BRINP3: variants seen among roughly 807,000 people sequenced by gnomAD.
The protein encoded by BRINP3 is BMP/retinoic acid-inducible neural-specific protein 3.
A neutral mutation model predicts 71.0 loss-of-function variants in BRINP3; 19 were observed. The ratio of observed to expected loss-of-function variants is 0.27; its 90% CI spans 0.19 to 0.39. The LOEUF (loss-of-function observed/expected upper bound fraction) is 0.39, where lower values mean the gene tolerates loss of function less well. BRINP3 is among the 10% of genes least tolerant of loss of function. The probability of loss-of-function intolerance (pLI) is 1.00; values close to 1 mark genes in which losing one functional copy is unlikely to be tolerated. For missense variants in BRINP3, 959 were observed against 940.8 expected (o/e 1.02, Z -0.25); for synonymous variants, 380 against 337.7 (o/e 1.13, Z -1.37).
chr1:190,423,595 G>C (rs1029005232), intron 2 of BRINP3, among the ~76,000 whole-genome samples: 1 of 151,552 alleles, frequency 6.6e-6, no homozygotes, highest in African/African-American at 2.4e-5. Flanking sequence ...TTTAATTTTT[G>C]ACTTATACTT....
intron 7 of BRINP3, among the ~76,000 whole-genome samples, chr1:190,134,229 A>C (rs962627783): frequency 3.9e-5 from 6 of 152,080 alleles, no homozygotes. Context: ...CTGAAAGCCA[A>C]ATGATTAGAA....
intron 2 of BRINP3, among the ~76,000 whole-genome samples, chr1:190,436,589 T>C (rs563238769): frequency 4.7e-4 from 71 of 152,022 alleles, no homozygotes; most frequent in African/African-American, 1.7e-3. Context: ...TAACGGTGCA[T>C]TATGATCATT....
intron 2 of BRINP3, among the ~76,000 whole-genome samples, chr1:190,336,696 C>G (rs142367718): frequency 3.3e-5 from 5 of 152,094 alleles, no homozygotes; most frequent in Non-Finnish European, 5.9e-5. Flanking sequence ...CGTGCTCTTT[C>G]TACAGAATCT....
In BRINP3 at chr1:190,098,689, A is replaced by C. The variant is rs1651416830; in HGVS notation, c.1630T>G (p.Ser544Ala). 7 of 1,614,032 alleles carry C rather than the reference A, an allele frequency of 4.3e-6. No individual in the cohort carries two copies. Among genetic ancestry groups the C allele is most frequent in the Non-Finnish European group, 5.9e-6 (7 of 1,180,030 alleles). Residue 544 changes from serine (S) to alanine (A), a missense_variant, in exon 8 of 8, where the codon TCA becomes GCA. Ser to Ala is a moderately conservative substitution (Grantham distance 99, BLOSUM62 1). Coordinates refer to ENST00000367462, the MANE Select transcript of BRINP3 (RefSeq NM_199051.3). ...LLTLKSNKYK[S>A]SLVHMILGLS... is the part of the protein sequence containing the mutation. ...CCCAAAATCATATGGACCAGACTTG[A>C]CTTGTACTTATTGCTCTTCAAGGTG...
intron 2 of BRINP3, among the ~76,000 whole-genome samples, chr1:190,394,949 G>T (rs901429898): frequency 3.3e-5 from 5 of 151,646 alleles, no homozygotes; most frequent in African/African-American, 1.2e-4. Context: ...AGTGTGAAGA[G>T]AATGTCATTT....
intron 2 of BRINP3, among the ~76,000 whole-genome samples, chr1:190,417,120 CA>C (rs1673058549): frequency 6.6e-6 from 1 of 151,626 alleles, no homozygotes; most frequent in African/African-American, 2.4e-5. Context: ...AAATGGAGAA[CA>C]AAAACAATTT....
intron 2 of BRINP3, among the ~76,000 whole-genome samples, chr1:190,376,697 C>T (rs1670204176): frequency 6.6e-6 from 1 of 151,946 alleles, no homozygotes; most frequent in Non-Finnish European, 1.5e-5. Context: ...CCAAAAAATA[C>T]TGTTATGAAT....
intron 2 of BRINP3, among the ~76,000 whole-genome samples, chr1:190,321,120 C>A (rs1017749840): frequency 6.6e-6 from 1 of 151,826 alleles, no homozygotes; most frequent in Non-Finnish European, 1.5e-5. Context: ...CAGGGCCAGA[C>A]TAGTTAGTTA....
intron 6 of BRINP3, among the ~76,000 whole-genome samples, chr1:190,164,691 C>G (rs79377169): frequency 6.6e-6 from 1 of 151,906 alleles, no homozygotes; most frequent in African/African-American, 2.4e-5. Context: ...CTTGGGCTCA[C>G]GCAATTCTCC....
At chr1:190,348,593 C>A (rs950555314) in intron 2 of BRINP3, among the ~76,000 whole-genome samples, 1 of 152,132 alleles carries the variant, frequency 6.6e-6, no homozygotes, top group Non-Finnish European at 1.5e-5. Flanking sequence ...GCTCTGTTAA[C>A]AATGTCTCAC....
At chr1:190,278,660 A>T (rs954271845) in intron 3 of BRINP3, among the ~76,000 whole-genome samples, 1 of 151,698 alleles carries the variant, frequency 6.6e-6, no homozygotes, top group Non-Finnish European at 1.5e-5. Context: ...AGCACAAAAA[A>T]CTATGAAAAC....
intron 7 of BRINP3, among the ~76,000 whole-genome samples, chr1:190,150,756 T>C (rs1656319860): frequency 6.6e-6 from 1 of 152,190 alleles, no homozygotes; most frequent in Admixed American, 6.5e-5. Flanking sequence ...TATTCCTCTT[T>C]TATGCATGCA....
chr1:190,275,092 G>A (rs1021343824), intron 3 of BRINP3, among the ~76,000 whole-genome samples: 1 of 151,542 alleles, frequency 6.6e-6, no homozygotes, highest in Non-Finnish European at 1.5e-5. Flanking sequence ...AAGCAAATTT[G>A]AAGGTACCAT....
chr1:190,410,958 G>A (rs1242826192), intron 2 of BRINP3, among the ~76,000 whole-genome samples: 1 of 152,018 alleles, frequency 6.6e-6, no homozygotes, highest in Non-Finnish European at 1.5e-5. Flanking sequence ...AAACTTGAAA[G>A]CTCATTTTAA....
intron 7 of BRINP3, among the ~76,000 whole-genome samples, chr1:190,150,084 T>C (rs559684990): frequency 9.8e-4 from 149 of 152,314 alleles, no homozygotes; most frequent in African/African-American, 2.6e-3. Context: ...TGTGCTGGTA[T>C]GCATCTCATA....
intron 7 of BRINP3, among the ~76,000 whole-genome samples, chr1:190,107,358 T>TA (rs1652263050): frequency 6.6e-6 from 1 of 151,910 alleles, no homozygotes; most frequent in Admixed American, 6.6e-5. Flanking sequence ...CCTAAATATG[T>TA]CATGTACAAT....
intron 2 of BRINP3, among the ~76,000 whole-genome samples, chr1:190,387,255 C>A (rs1008654106): frequency 1.3e-5 from 2 of 151,806 alleles, no homozygotes; most frequent in Admixed American, 1.3e-4. Context: ...GATATAATTG[C>A]TAGAAATTAA....
intron 6 of BRINP3, among the ~76,000 whole-genome samples, chr1:190,170,069 T>C (rs1277472440): frequency 6.6e-6 from 1 of 151,864 alleles, no homozygotes; most frequent in African/African-American, 2.4e-5. Context: ...TTTTGTAGAG[T>C]TGACAGGAAA....
chr1:190,222,107 C>T (rs1389168011), intron 6 of BRINP3, among the ~76,000 whole-genome samples: 1 of 151,944 alleles, frequency 6.6e-6, no homozygotes, highest in East Asian at 1.9e-4. Context: ...CCAACTGCTG[C>T]AGAATATACA....
Sources: allele counts gnomAD v4.1 joint callset (sites outside exome capture counted in the v4.1 genomes callset), GRCh38; gene constraint gnomAD v4.1.1; transcripts MANE v1.5; gene names NCBI Gene and HGNC (gene_info 2026-07-23, HGNC 2026-07-21).